MYNN: variants seen among roughly 807,000 people sequenced by gnomAD.
MYNN encodes myoneurin, also known as zinc finger and BTB domain-containing protein 31.
A neutral mutation model predicts 57.2 loss-of-function variants in MYNN; 22 were observed. That is an observed-to-expected ratio of 0.38 (90% CI 0.27 to 0.55). MYNN has a LOEUF of 0.55. Ranked by LOEUF, MYNN falls within the 20% of genes least tolerant of loss-of-function variation. The probability of loss-of-function intolerance (pLI) is 0.71; values close to 1 mark genes in which losing one functional copy is unlikely to be tolerated. For missense variants in MYNN, 566 were observed against 723.1 expected (o/e 0.78, Z 2.49); for synonymous variants, 241 against 257.1 (o/e 0.94, Z 0.60).
Position 169,782,389 on chromosome 3 carries a change from T to TA in MYNN, c.1221-70dup, listed in dbSNP as rs1362515034. The TA allele has an allele frequency of 9.8e-5, 120 of 1,224,714 alleles. No individual in the cohort carries two copies. Among genetic ancestry groups the TA allele is most frequent in the Non-Finnish European group, 1.3e-4 (119 of 882,786 alleles). 75.9% of individuals were successfully genotyped at this position (1,224,714 alleles called of 1,614,324 possible). A position where few individuals can be genotyped will look rare whatever the true frequency, so the allele number is the denominator to read the frequency against. On this transcript the variant is annotated intron_variant, in intron 4 of 7. Coordinates refer to ENST00000349841, the MANE Select transcript of MYNN (RefSeq NM_018657.5). This position sits in a 1 kb window ranked among gnomAD's most constrained non-coding sequence, Gnocchi z 4.8. ...TTAAGATGACATGAAATAAAATCTA[T>TA]AAAAAACTTTATGAATTCTTGCTAT...
chr3:169,781,796 G>A (rs1165640899), intron 4 of MYNN, among the ~76,000 whole-genome samples: 2 of 152,200 alleles, frequency 1.3e-5, no homozygotes, highest in African/African-American at 2.4e-5. Context: ...ATCATTAGTA[G>A]AGGCCAGTAG....
In MYNN at chr3:169,779,055, C is replaced by G. The variant is rs150524698; in HGVS notation, c.554C>G (p.Ala185Gly). Residue 185 changes from alanine (A) to glycine (G), a missense_variant, in exon 3 of 8, where the codon GCT becomes GGT. Ala to Gly is a moderately conservative substitution (Grantham distance 60, BLOSUM62 0). Transcript: ENST00000349841. Reference sequence around the variant, plus strand: ...TCTCAAACGAAAAAGAAGAAGAAGGCTTTCAACTCCCCGAAAACAGGGCAG... The same window carrying G: ...TCTCAAACGAAAAAGAAGAAGAAGGGTTTCAACTCCCCGAAAACAGGGCAG... The part of the protein sequence containing the change: ...KSSQTKKKKK[A>G]FNSPKTGQNK... The G allele has an allele frequency of 2.3e-4, 371 of 1,614,086 alleles. No homozygotes were observed. Among genetic ancestry groups the G allele is most frequent in the African/African-American group, 1.9e-3 (142 of 75,056 alleles).
Position 169,779,546 on chromosome 3 carries a change from G to C in MYNN, c.1045G>C (p.Val349Leu), listed in dbSNP as rs375360988. Residue 349 changes from valine (V) to leucine (L), a missense_variant, in exon 3 of 8, where the codon GTA (valine) becomes CTA (leucine). By Grantham distance (32) the Val-to-Leu change is conservative. Transcript: ENST00000349841. ...FTQCNQLKTH[V>L]RTHTGEKPYK... is the part of the protein sequence containing the mutation. ...CCAATGTAACCAGCTGAAAACGCAT[G>C]TAAGAACTCATACAGGTGAGACGGG... 1.1e-5 allele frequency: 18 copies of C among 1,613,756 alleles called. No individual in the cohort carries two copies. The Admixed American group carries it at 3.0e-4, about 27-fold the overall frequency.
In MYNN at chr3:169,788,287, A is replaced by AGG. The variant is rs1360098061; in HGVS notation, c.*1609_*1610insGG. On this transcript the variant is annotated 3_prime_UTR_variant, in exon 8 of 8. Transcript: ENST00000349841. ...ACTGACTTATTTGAATAGAGTTTGAAATACCACCTTTGTATGATGCAAACA... is the reference window on the plus strand; with the variant it reads ...ACTGACTTATTTGAATAGAGTTTGAAGGATACCACCTTTGTATGATGCAAACA... 2 of 152,152 alleles carry AGG rather than the reference A, an allele frequency of 1.3e-5. No homozygotes were observed. Among genetic ancestry groups the AGG allele is most frequent in the Admixed American group, 6.5e-5 (1 of 15,270 alleles). The allele number at this position is 152,152 out of a possible 1,614,324, so 9.4% of individuals were successfully genotyped here. A position where few individuals can be genotyped will look rare whatever the true frequency, so the allele number is the denominator to read the frequency against.
In MYNN at chr3:169,779,315, C is replaced by T. The variant is rs377574590; in HGVS notation, c.814C>T (p.His272Tyr). 56 of 1,614,052 alleles carry T rather than the reference C, an allele frequency of 3.5e-5. No individual in the cohort carries two copies. In the South Asian group the frequency reaches 4.7e-4, roughly 14 times the overall value. Residue 272 changes from histidine to tyrosine, a missense_variant, in exon 3 of 8, where the codon CAC becomes TAC. By Grantham distance (83) the His-to-Tyr change is moderately conservative (BLOSUM62 2). Around this residue, in one of 4 missense-constraint regions of MYNN, gnomAD observed 261 missense variants for 280.8 expected, o/e 0.93. Transcript: ENST00000349841. ...KSQPNCALKE[H>Y]SMSNIASVKS... Reference sequence around the variant, plus strand: ...ACAGCCAAACTGTGCTCTGAAAGAACACTCTATGTCTAATATAGCCAGCGT... The same window carrying T: ...ACAGCCAAACTGTGCTCTGAAAGAATACTCTATGTCTAATATAGCCAGCGT...
chr3:169,784,538 C>T (rs1346570096), intron 6 of MYNN, 84 bp from the exon 7 acceptor site: 6 of 843,836 alleles, frequency 7.1e-6, no homozygotes, highest in Non-Finnish European at 1.1e-5. Context: ...ATAATTTTTG[C>T]CTTGTGTTCA....
chr3:169,785,285 TAAATACTTA>T (rs1165675976), intron 7 of MYNN, among the ~76,000 whole-genome samples: 3 of 152,014 alleles, frequency 2.0e-5, no homozygotes, highest in African/African-American at 7.2e-5. Flanking sequence ...TTCTGGTGTG[TAAATACTTA>T]AACATCGTAA....
chr3:169,783,492 T>C lies in MYNN; in HGVS notation c.1415T>C (p.Ile472Thr). The change falls in exon 6 of 8, where the codon ATA (isoleucine) becomes ACA (threonine). Residue 472 changes from isoleucine (I) to threonine (T), a missense_variant. By Grantham distance (89) the Ile-to-Thr change is moderately conservative. This residue lies in a region of MYNN where 156 missense variants were observed against 163.9 expected (regional missense o/e 0.95). Transcript: ENST00000349841. ...TTCCATCTAGGTGAAAAACCATACATATGTGGTATTTGTGGGAAAAGTTTT... is the reference window on the plus strand; with the variant it reads ...TTCCATCTAGGTGAAAAACCATACACATGTGGTATTTGTGGGAAAAGTTTT... ...SRKHTGEKPY[I>T]CGICGKSFIS... 6.2e-7 allele frequency: 1 copy of C among 1,607,928 alleles called. No homozygotes were observed.
In MYNN at chr3:169,789,228, T is replaced by C. The variant is rs1479306695; in HGVS notation, c.*2550T>C. The C allele has an allele frequency of 6.6e-6, 1 of 152,204 alleles. No individual in the cohort carries two copies. Among genetic ancestry groups the C allele is most frequent in the Non-Finnish European group, 1.5e-5 (1 of 68,026 alleles). 9.4% of individuals were successfully genotyped at this position (152,204 alleles called of 1,614,324 possible). A position where few individuals can be genotyped will look rare whatever the true frequency, so the allele number is the denominator to read the frequency against. On this transcript the variant is annotated 3_prime_UTR_variant, in exon 8 of 8. Transcript: ENST00000349841. The stretch of plus-strand genomic sequence containing the variant: ...CACAGGATGATTTTGATAGACAAAT[T>C]TTAGAAAACCTTTTTTCAAAGGTAA...
At chr3:169,773,950 A>G (rs1778252014) in intron 1 of MYNN, 1 of 230,462 alleles carries the variant, frequency 4.3e-6, no homozygotes, top group South Asian at 8.2e-5. Flanking sequence ...ATTTTTTTGT[A>G]ACATAAGTAT....
Position 169,784,707 on chromosome 3 carries a change from T to C in MYNN, c.1569T>C (p.Ser523=), listed in dbSNP as rs764464447. ...NLKKHKTKVH[S]GADKTLDSSA... is the part of the protein sequence containing the mutation. Reference sequence around the variant, plus strand: ...AGAAGCACAAAACAAAAGTCCATTCTGGTAAATGCTTGTGTTTTGTTTGCT... The same window carrying C: ...AGAAGCACAAAACAAAAGTCCATTCCGGTAAATGCTTGTGTTTTGTTTGCT... Residue 523 remains serine (S), a splice_region_variant and synonymous_variant, in exon 7 of 8, where the codon TCT becomes TCC. Transcript: ENST00000349841. 3.9e-6 allele frequency: 6 copies of C among 1,551,346 alleles called. No homozygotes were observed. In the South Asian group the frequency reaches 7.1e-5, roughly 18 times the overall value.
chr3:169,778,907 A>G lies in MYNN; in HGVS notation c.406A>G (p.Ile136Val). 6.2e-7 allele frequency: 1 copy of G among 1,614,108 alleles called. No individual in the cohort carries two copies. Among genetic ancestry groups the G allele is most frequent in the Non-Finnish European group, 8.5e-7 (1 of 1,180,020 alleles). ...AGAGATATCTAGTATTACTGGAAAC[A>G]TTGAATTGAATCAACAGACTTGTCT... ...STEISSITGNIELNQQTCLLT... is the reference protein window; with the variant it reads ...STEISSITGNVELNQQTCLLT... Residue 136 changes from isoleucine to valine, a missense_variant, in exon 3 of 8, where the codon ATT becomes GTT. By Grantham distance (29) the Ile-to-Val change is conservative. Transcript: ENST00000349841.
At chr3:169,773,677 C>T (rs1328340101) in intron 1 of MYNN, among the ~76,000 whole-genome samples, 3 of 152,206 alleles carry the variant, frequency 2.0e-5, no homozygotes, top group Admixed American at 1.3e-4. Context: ...CGAGGAGGGA[C>T]TGGCTTTGGT....
intron 6 of MYNN, chr3:169,783,818 G>T (rs539880130): frequency 9.5e-6 from 5 of 524,850 alleles, no homozygotes; most frequent in Non-Finnish European, 1.8e-5. Context: ...AAATGATTTG[G>T]ATTAAATTGC....
intron 7 of MYNN, 46 bp downstream of exon 7, chr3:169,784,754 T>A: frequency 7.9e-7 from 1 of 1,268,598 alleles, no homozygotes; most frequent in Non-Finnish European, 1.1e-6. Context: ...TTTAATTTGG[T>A]GCTCATATTA....
chr3:169,786,675 C>A lies in MYNN; in HGVS notation c.1830C>A (p.Tyr610Ter). 6.2e-7 allele frequency: 1 copy of A among 1,611,128 alleles called. No homozygotes were observed. Among genetic ancestry groups the A allele is most frequent in the Non-Finnish European group, 8.5e-7 (1 of 1,178,306 alleles). Residue 610 changes from tyrosine (Y) to a stop codon, truncating the protein, a stop_gained, in exon 8 of 8, where the codon TAC (tyrosine) becomes TAA (stop). Coordinates refer to ENST00000349841, the MANE Select transcript of MYNN (RefSeq NM_018657.5). LOFTEE classifies it high-confidence loss of function. ...EPQLIFLQQL[Y>*] Reference sequence around the variant, plus strand: ...AGTTGATTTTTTTACAACAATTATACTGACTTTGTAAGGAATATGGAATTG... The same window carrying A: ...AGTTGATTTTTTTACAACAATTATAATGACTTTGTAAGGAATATGGAATTG...
In MYNN at chr3:169,784,645, T is replaced by C; in HGVS notation, c.1507T>C (p.Leu503=). The change falls in exon 7 of 8, where the codon TTA becomes CTA. Residue 503 remains leucine, a synonymous_variant. Transcript: ENST00000349841. ...AGGAGAAAGACCATTTATCTGCGAA[T>C]TATGTGGAAATTCTTACACAGATAT... ...HTGERPFICE[L]CGNSYTDIKN... 1 of 1,576,468 alleles carries C rather than the reference T, an allele frequency of 6.3e-7. No homozygotes were observed. Among genetic ancestry groups the C allele is most frequent in the Non-Finnish European group, 8.6e-7 (1 of 1,161,972 alleles).
chr3:169,779,466 G>A lies in MYNN; in HGVS notation c.965G>A (p.Arg322Lys), dbSNP rs745899599. 26 of 1,614,196 alleles carry A rather than the reference G, an allele frequency of 1.6e-5. No individual in the cohort carries two copies. Among genetic ancestry groups the A allele is most frequent in the Non-Finnish European group, 2.2e-5 (26 of 1,180,044 alleles). The change falls in exon 3 of 8, where the codon AGA becomes AAA. Residue 322 changes from arginine to lysine, a missense_variant. Physicochemically the swap from Arg to Lys is conservative, Grantham distance 26. Around this residue, in one of 4 missense-constraint regions of MYNN, gnomAD observed 123 missense variants for 222.6 expected, o/e 0.55. Transcript: ENST00000349841. ...GCCAGCAGTTTGAGAAGGCACATGA[G>A]AATACATAAAGGAGTCAAACCTTAC... ...SEASSLRRHMRIHKGVKPYVC... is the reference protein window; with the variant it reads ...SEASSLRRHMKIHKGVKPYVC...
chr3:169,786,490 T>G lies in MYNN; in HGVS notation c.1645T>G (p.Leu549Val). 1.9e-6 allele frequency: 3 copies of G among 1,613,702 alleles called. No individual in the cohort carries two copies. Among genetic ancestry groups the G allele is most frequent in the Non-Finnish European group, 2.5e-6 (3 of 1,179,630 alleles). The change falls in exon 8 of 8, where the codon TTA becomes GTA. Residue 549 changes from leucine to valine, a missense_variant. Around this residue, in one of 4 missense-constraint regions of MYNN, gnomAD observed 156 missense variants for 163.9 expected, o/e 0.95. Coordinates refer to ENST00000349841, the MANE Select transcript of MYNN (RefSeq NM_018657.5). ...ACAGGATTCCATACAAAAAAGTCCT[T>G]TATCAGAAACTATGGATGTGAAGCC... ...SEQDSIQKSP[L>V]SETMDVKPSD...
Sources: allele counts gnomAD v4.1 joint callset (sites outside exome capture counted in the v4.1 genomes callset), GRCh38; gene constraint gnomAD v4.1.1; regional missense constraint gnomAD v4.1.1; non-coding constraint Gnocchi (gnomAD v3.1); transcripts MANE v1.5; gene names NCBI Gene and HGNC (gene_info 2026-07-23, HGNC 2026-07-21).